The following MAPK10 variants were observed in gnomAD, a reference collection of about 807,000 sequenced individuals.
The protein encoded by MAPK10 is mitogen-activated protein kinase 10.
A neutral mutation model predicts 59.3 loss-of-function variants in MAPK10; 25 were observed. The observed-to-expected ratio is 0.42, with a 90% CI of 0.31 to 0.59. The LOEUF (loss-of-function observed/expected upper bound fraction) is 0.59, where lower values mean the gene tolerates loss of function less well. Ranked by LOEUF, MAPK10 falls within the 20% of genes least tolerant of loss-of-function variation. MAPK10 has a pLI of 0.15. For synonymous variants in MAPK10, 190 were observed against 200.5 expected (o/e 0.95, Z 0.44); for missense variants, 351 against 568.9 (o/e 0.62, Z 3.90).
At chr4:86,450,403 A>G (rs570041205) in intron 1 of MAPK10, among the ~76,000 whole-genome samples, 1 of 152,366 alleles carries the variant, frequency 6.6e-6, no homozygotes, top group Non-Finnish European at 1.5e-5. Context: ...TGAGCTAAAT[A>G]TTACTCATCA....
chr4:86,140,790 C>T (rs907778836), intron 4 of MAPK10, among the ~76,000 whole-genome samples: 12 of 152,146 alleles, frequency 7.9e-5, no homozygotes, highest in African/African-American at 2.7e-4. Context: ...AATACACACA[C>T]ACACACGCAT....
chr4:86,100,144 AAATAG>A (rs1227884556), intron 8 of MAPK10: 6 of 152,328 alleles, frequency 3.9e-5, no homozygotes, highest in Admixed American at 6.5e-5. Flanking sequence ...GCTAAAAACT[AAATAG>A]AATAGAATAT....
chr4:86,096,784 T>C (rs1580180002), intron 9 of MAPK10, among the ~76,000 whole-genome samples: 1 of 152,000 alleles, frequency 6.6e-6, no homozygotes, highest in Admixed American at 6.6e-5. Context: ...ATATAATTAA[T>C]CCCCAAACTA....
intron 1 of MAPK10, among the ~76,000 whole-genome samples, chr4:86,546,954 G>T (rs1759234281): frequency 6.6e-6 from 1 of 152,136 alleles, no homozygotes; most frequent in East Asian, 1.9e-4. Flanking sequence ...TACTCGGGAG[G>T]CTGAGGCAGG....
intron 11 of MAPK10, among the ~76,000 whole-genome samples, chr4:86,048,871 C>T (rs1056903252): frequency 6.6e-6 from 1 of 151,922 alleles, no homozygotes; most frequent in South Asian, 2.1e-4. Context: ...CTTTTTGTTA[C>T]AAATATTTAT....
intron 9 of MAPK10, among the ~76,000 whole-genome samples, chr4:86,076,676 T>C (rs1285457250): frequency 2.0e-5 from 3 of 152,222 alleles, no homozygotes; most frequent in African/African-American, 7.2e-5. Context: ...CAATTAATTT[T>C]ATCAATATTT....
intron 2 of MAPK10, among the ~76,000 whole-genome samples, chr4:86,341,756 T>C (rs180821149): frequency 1.1e-4 from 16 of 145,568 alleles, no homozygotes; most frequent in Admixed American, 6.9e-4. Flanking sequence ...CAAGAAATGG[T>C]AAAGGACCCC....
At chr4:86,508,501 C>T (rs2149082539) in intron 1 of MAPK10, among the ~76,000 whole-genome samples, 2 of 152,270 alleles carry the variant, frequency 1.3e-5, no homozygotes, top group South Asian at 4.1e-4. Context: ...ACGGAGTTTA[C>T]ATTCTGTCTG....
intron 1 of MAPK10, among the ~76,000 whole-genome samples, chr4:86,523,283 C>T (rs1182534617): frequency 2.6e-5 from 4 of 152,136 alleles, no homozygotes; most frequent in Admixed American, 2.6e-4. Flanking sequence ...ACACTGACCC[C>T]CATCCCCAAT....
At chr4:86,537,006 T>C (rs865996754) in intron 1 of MAPK10, among the ~76,000 whole-genome samples, 29 of 152,076 alleles carry the variant, frequency 1.9e-4, no homozygotes, top group African/African-American at 6.3e-4. Flanking sequence ...AGCATAGATG[T>C]TGGAAGCTGG....
At chr4:86,447,552 G>A (rs1750188251) in intron 1 of MAPK10, among the ~76,000 whole-genome samples, 1 of 152,044 alleles carries the variant, frequency 6.6e-6, no homozygotes, top group South Asian at 2.1e-4. Flanking sequence ...TATGTACATG[G>A]CACAAAATTC....
chr4:86,435,711 G>A (rs1371350070), intron 1 of MAPK10, among the ~76,000 whole-genome samples: 1 of 152,144 alleles, frequency 6.6e-6, no homozygotes, highest in Non-Finnish European at 1.5e-5. Flanking sequence ...TGGCTGTTAG[G>A]TCAGCTATAG....
intron 2 of MAPK10, among the ~76,000 whole-genome samples, chr4:86,218,583 A>G (rs571348741): frequency 2.7e-5 from 4 of 150,206 alleles, no homozygotes; most frequent in South Asian, 2.1e-4. Context: ...AAAAAAAAAA[A>G]AAAACACTTT....
chr4:86,054,424 C>A (rs1056002752), intron 11 of MAPK10, among the ~76,000 whole-genome samples: 1 of 152,110 alleles, frequency 6.6e-6, no homozygotes, highest in Non-Finnish European at 1.5e-5. Flanking sequence ...AGCTGAGGCA[C>A]TGGGCAAGCA....
intron 4 of MAPK10, among the ~76,000 whole-genome samples, chr4:86,111,068 T>C (rs781427714): frequency 6.6e-6 from 1 of 152,168 alleles, no homozygotes; most frequent in South Asian, 2.1e-4. Context: ...CTTTTTCAGA[T>C]TAAATTTGTA....
chr4:86,180,538 A>G (rs2076698590), intron 3 of MAPK10, among the ~76,000 whole-genome samples: 1 of 151,728 alleles, frequency 6.6e-6, no homozygotes, highest in South Asian at 2.1e-4. Flanking sequence ...TATCAAAGAG[A>G]TATCTGCACC....
intron 4 of MAPK10, chr4:86,125,845 C>T (rs557826558): frequency 1.4e-4 from 21 of 152,116 alleles, no homozygotes; most frequent in African/African-American, 4.3e-4. Context: ...CAGTGACTCT[C>T]AAAGTAGCCT....
intron 1 of MAPK10, among the ~76,000 whole-genome samples, chr4:86,367,406 CAG>C (rs1215550011): frequency 5.3e-5 from 8 of 152,040 alleles, no homozygotes; most frequent in African/African-American, 1.7e-4. Context: ...ACTTGGGGAA[CAG>C]TGGCTTTTTG....
upstream of MAPK10, among the ~76,000 whole-genome samples, chr4:86,361,246 G>C (rs1736896534): frequency 6.6e-6 from 1 of 152,076 alleles, no homozygotes; most frequent in East Asian, 1.9e-4. Context: ...GTTTTATTTG[G>C]GGAGAAAATT....
Sources: allele counts gnomAD v4.1 joint callset (sites outside exome capture counted in the v4.1 genomes callset), GRCh38; gene constraint gnomAD v4.1.1; transcripts MANE v1.5; gene names NCBI Gene and HGNC (gene_info 2026-07-23, HGNC 2026-07-21).